Variants in DCC observed in about 807,000 individuals in gnomAD.
DCC encodes DCC netrin 1 receptor, also known as netrin receptor DCC.
Under a neutral mutation model 172.5 loss-of-function variants are expected in DCC, and 58 were observed. The ratio of observed to expected loss-of-function variants is 0.34; its 90% CI spans 0.27 to 0.42. The LOEUF is 0.42. Ranked by LOEUF, DCC falls within the 10% of genes least tolerant of loss-of-function variation. The pLI is 1.00. For synonymous variants in DCC, 709 were observed against 644.5 expected, an observed-to-expected ratio of 1.10 and a Z score of -1.52; for missense variants, 1,740 against 1,791.0, an observed-to-expected ratio of 0.97 and a Z score of 0.51.
intron 2 of DCC, among the ~76,000 whole-genome samples, chr18:52,790,710 G>T (rs370341715): frequency 7.9e-5 from 12 of 152,184 alleles, no homozygotes; most frequent in African/African-American, 2.2e-4. Flanking sequence ...TCACCTTCCC[G>T]ATTTTCTCTT....
At chr18:52,630,841 A>T (rs2034660939) in intron 1 of DCC, among the ~76,000 whole-genome samples, 1 of 152,328 alleles carries the variant, frequency 6.6e-6, no homozygotes, top group South Asian at 2.1e-4. Context: ...CAAGTCATCC[A>T]CACATGACTT....
intron 12 of DCC, among the ~76,000 whole-genome samples, chr18:53,239,510 A>G (rs1029258284): frequency 6.6e-6 from 1 of 152,146 alleles, no homozygotes; most frequent in African/African-American, 2.4e-5. Context: ...CTGATAGGTG[A>G]GTGAATTCAC....
intron 12 of DCC, among the ~76,000 whole-genome samples, chr18:53,233,715 A>G (rs2056157064): frequency 6.6e-6 from 1 of 152,208 alleles, no homozygotes; most frequent in South Asian, 2.1e-4. Context: ...ATATAACTTC[A>G]TGATTGTTAT....
intron 7 of DCC, among the ~76,000 whole-genome samples, chr18:53,100,276 C>G (rs1434805232): frequency 6.6e-6 from 1 of 151,836 alleles, no homozygotes; most frequent in Non-Finnish European, 1.5e-5. Context: ...TCCCTTATAC[C>G]CTTAGCATGA....
At chr18:53,137,739 A>C (rs2043766296) in intron 7 of DCC, among the ~76,000 whole-genome samples, 1 of 152,148 alleles carries the variant, frequency 6.6e-6, no homozygotes, top group Admixed American at 6.5e-5. Context: ...TTAATAAAGA[A>C]ATATTTGAAT....
intron 12 of DCC, among the ~76,000 whole-genome samples, chr18:53,281,986 C>G (rs992911236): frequency 2.0e-5 from 3 of 151,932 alleles, no homozygotes; most frequent in African/African-American, 7.3e-5. Context: ...AGACAAGCAC[C>G]CTTAGTTTAG....
chr18:52,549,595 A>G lies in DCC; in HGVS notation c.92-202459A>G, dbSNP rs576975542. Among the ~76,000 whole-genome samples, 6 of 152,220 alleles carry G rather than the reference A, an allele frequency of 3.9e-5. No individual in the cohort carries two copies. The South Asian group carries it at 1.2e-3, about 32-fold the overall frequency. ...TCCTACCACCACTACTAGAGTGAATAATAGAATACTAGAGTAATAAGGTAA... is the reference window on the plus strand; with the variant it reads ...TCCTACCACCACTACTAGAGTGAATGATAGAATACTAGAGTAATAAGGTAA... On this transcript the variant is annotated intron_variant, in intron 1 of 28. Coordinates refer to ENST00000442544, the MANE Select transcript of DCC (RefSeq NM_005215.4).
chr18:52,810,533 G>T (rs1253406219), intron 2 of DCC, among the ~76,000 whole-genome samples: 1 of 152,190 alleles, frequency 6.6e-6, no homozygotes, highest in Non-Finnish European at 1.5e-5. Context: ...ACAGCTTTCA[G>T]TGGAGAGGGG....
intron 1 of DCC, among the ~76,000 whole-genome samples, chr18:52,550,577 G>C (rs1219142596): frequency 3.3e-5 from 5 of 151,752 alleles, no homozygotes; most frequent in African/African-American, 1.2e-4. Context: ...ACTGCCCCCT[G>C]ACACACACAC....
At chr18:52,701,124 A>C (rs1229024709) in intron 1 of DCC, among the ~76,000 whole-genome samples, 2 of 152,244 alleles carry the variant, frequency 1.3e-5, no homozygotes, top group Non-Finnish European at 2.9e-5. Flanking sequence ...CATAGATGGC[A>C]GAAATCCATT....
At chr18:52,597,825 C>T (rs1014171662) in intron 1 of DCC, among the ~76,000 whole-genome samples, 2 of 152,176 alleles carry the variant, frequency 1.3e-5, no homozygotes, top group African/African-American at 4.8e-5. Flanking sequence ...TCTCAATAAG[C>T]TCTTCTCTGT....
chr18:52,567,238 A>G (rs2033180703), intron 1 of DCC, among the ~76,000 whole-genome samples: 1 of 152,184 alleles, frequency 6.6e-6, no homozygotes, highest in African/African-American at 2.4e-5. Flanking sequence ...CCAATTTGAT[A>G]TGGTCATTCA....
At chr18:52,953,117 C>A (rs542815721) in intron 5 of DCC, among the ~76,000 whole-genome samples, 43 of 151,096 alleles carry the variant, frequency 2.8e-4, no homozygotes, top group Non-Finnish European at 2.9e-5. Flanking sequence ...ATGTCTCTGG[C>A]TCAATCCCCA....
At chr18:52,470,507 C>T (rs1349284169) in intron 1 of DCC, among the ~76,000 whole-genome samples, 1 of 152,144 alleles carries the variant, frequency 6.6e-6, no homozygotes, top group African/African-American at 2.4e-5. Context: ...AGTCTGTATA[C>T]TCTGGGATCC....
At chr18:52,470,433 G>A (rs1375715106) in intron 1 of DCC, among the ~76,000 whole-genome samples, 1 of 152,118 alleles carries the variant, frequency 6.6e-6, no homozygotes, top group Non-Finnish European at 1.5e-5. Flanking sequence ...CAATATCCTA[G>A]ATTATTCTGT....
chr18:53,469,551 A>C (rs999025600), intron 25 of DCC, among the ~76,000 whole-genome samples: 1 of 152,130 alleles, frequency 6.6e-6, no homozygotes, highest in Non-Finnish European at 1.5e-5. Flanking sequence ...CCTTCCATCA[A>C]ATCTAATTGA....
intron 1 of DCC, among the ~76,000 whole-genome samples, chr18:52,646,955 C>G (rs114983900): frequency 6.6e-6 from 1 of 152,090 alleles, no homozygotes; most frequent in Non-Finnish European, 1.5e-5. Context: ...CAAGACACTT[C>G]GATAGCATGA....
intron 1 of DCC, among the ~76,000 whole-genome samples, chr18:52,708,601 A>G (rs2036248114): frequency 6.6e-6 from 1 of 152,140 alleles, no homozygotes; most frequent in African/African-American, 2.4e-5. Flanking sequence ...ATCTATCAAC[A>G]AAGAGATGCT....
intron 1 of DCC, among the ~76,000 whole-genome samples, chr18:52,619,113 T>C (rs909057949): frequency 1.3e-5 from 2 of 152,120 alleles, no homozygotes; most frequent in African/African-American, 4.8e-5. Context: ...ATTTTTTGCA[T>C]TTTTAGTAGA....
Sources: allele counts gnomAD v4.1 joint callset (sites outside exome capture counted in the v4.1 genomes callset), GRCh38; gene constraint gnomAD v4.1.1; transcripts MANE v1.5; gene names NCBI Gene and HGNC (gene_info 2026-07-23, HGNC 2026-07-21).